Variants in NISCH observed in about 807,000 individuals in gnomAD.
NISCH encodes the protein I-1 receptor candidate protein.
In NISCH, 55 loss-of-function variants were observed where a neutral mutation model predicts 138.4. The ratio of observed to expected loss-of-function variants is 0.40; its 90% CI spans 0.32 to 0.50. The LOEUF (loss-of-function observed/expected upper bound fraction) is 0.50, where lower values mean the gene tolerates loss of function less well. Among genes scored for constraint, NISCH ranks in the 20% least tolerant of loss-of-function variants. The probability of loss-of-function intolerance (pLI) is 0.71; values close to 1 mark genes in which losing one functional copy is unlikely to be tolerated. For synonymous variants in NISCH, 860 were observed against 861.5 expected, an observed-to-expected ratio of 1.00 and a Z score of 0.03; for missense variants, 1,643 against 2,005.5, an observed-to-expected ratio of 0.82 and a Z score of 3.45.
Position 52,488,019 on chromosome 3 carries a change from A to G in NISCH, c.2527A>G (p.Lys843Glu). The G allele has an allele frequency of 1.2e-6, 2 of 1,612,202 alleles. No homozygotes were observed. The highest frequency in any genetic ancestry group is 1.7e-6 in the Non-Finnish European group (2 of 1,179,764). ...EFLRQLLTFYKVAGGCQERSQ... is the reference protein window; with the variant it reads ...EFLRQLLTFYEVAGGCQERSQ... ...CCTGCGCCAGCTGCTCACCTTCTACAAGGTGGCTGGCGGCTGCCAGGAGCG... is the reference window on the plus strand; with the variant it reads ...CCTGCGCCAGCTGCTCACCTTCTACGAGGTGGCTGGCGGCTGCCAGGAGCG... Residue 843 changes from lysine to glutamate, a missense_variant, in exon 16 of 21, where the codon AAG becomes GAG. Transcript: ENST00000345716.
At chr3:52,484,462 T>TTGGGGGGC in intron 13 of NISCH, 51 bp from the exon 14 acceptor site, 17 of 788,670 alleles carry the variant, frequency 2.2e-5, no homozygotes, top group Middle Eastern at 4.5e-4. Context: ...ACAGCCGCTC[T>TTGGGGGGC]CCCCGCCCCA....
intron 19 of NISCH, 91 bp from the exon 20 acceptor site, chr3:52,491,261 A>G: frequency 6.6e-7 from 1 of 1,503,902 alleles, no homozygotes; most frequent in Non-Finnish European, 8.9e-7. Flanking sequence ...CTCTGGGCTG[A>G]GGCTTGCTAG....
chr3:52,460,036 C>T (rs1706586923), intron 3 of NISCH, among the ~76,000 whole-genome samples: 1 of 151,298 alleles, frequency 6.6e-6, no homozygotes, highest in African/African-American at 2.4e-5. Flanking sequence ...CAAAAATTAG[C>T]TGGGTATGGT....
At chr3:52,484,462 T>TTGGGGCCC in intron 13 of NISCH, 51 bp from the exon 14 acceptor site, 53 of 788,664 alleles carry the variant, frequency 6.7e-5, no homozygotes, top group Non-Finnish European at 8.4e-5. Flanking sequence ...ACAGCCGCTC[T>TTGGGGCCC]CCCCGCCCCA....
At chr3:52,484,771 G>A (rs1027037970) in intron 14 of NISCH, 134 bp downstream of exon 14, 4 of 864,234 alleles carry the variant, frequency 4.6e-6, no homozygotes, top group East Asian at 2.5e-5. Context: ...TCTGCTTTGT[G>A]CCACGGTCTT....
At chr3:52,477,846 C>T in intron 9 of NISCH, 1 of 624,102 alleles carries the variant, frequency 1.6e-6, no homozygotes, top group Non-Finnish European at 2.8e-6. Flanking sequence ...ACAAACCAGG[C>T]ATGATGATGC....
At chr3:52,484,462 T>TAGG in intron 13 of NISCH, 51 bp from the exon 14 acceptor site, 17 of 788,664 alleles carry the variant, frequency 2.2e-5, no homozygotes, top group East Asian at 3.5e-5. Context: ...ACAGCCGCTC[T>TAGG]CCCCGCCCCA....
At chr3:52,479,326 C>T (rs550392688) in intron 11 of NISCH, among the ~76,000 whole-genome samples, 7 of 152,232 alleles carry the variant, frequency 4.6e-5, no homozygotes, top group South Asian at 4.1e-4. Context: ...CCTCTCCTGC[C>T]GCTGGTTCCC....
In NISCH at chr3:52,491,492, G is replaced by C. The variant is rs766615000; in HGVS notation, c.3883G>C (p.Glu1295Gln). The change falls in exon 20 of 21, where the codon GAG becomes CAG. Residue 1295 changes from glutamate (E) to glutamine (Q), a missense_variant. Transcript: ENST00000345716. ...PEPVDKDFYSEFGNKTTGKME... is the reference protein window; with the variant it reads ...PEPVDKDFYSQFGNKTTGKME... ...GCCTGTTGACAAGGACTTCTACTCC[G>C]AGTTTGGGAACAAGACCACAGGTAC... 1 of 1,612,636 alleles carries C rather than the reference G, an allele frequency of 6.2e-7. No individual in the cohort carries two copies. Among genetic ancestry groups the C allele is most frequent in the East Asian group, 2.2e-5 (1 of 44,880 alleles).
chr3:52,485,745 G>T, intron 14 of NISCH, 33 bp from the exon 15 acceptor site: 1 of 1,562,924 alleles, frequency 6.4e-7, no homozygotes, highest in Non-Finnish European at 8.7e-7. Flanking sequence ...GGCTGCAGTA[G>T]GTGGGGACTG....
chr3:52,474,290 TTTGTTG>T (rs778590888), intron 7 of NISCH, among the ~76,000 whole-genome samples: 3 of 151,726 alleles, frequency 2.0e-5, no homozygotes, highest in Non-Finnish European at 2.9e-5. Context: ...AGTTTTGTTT[TTTGTTG>T]TTGTTGTTGT....
intron 3 of NISCH, among the ~76,000 whole-genome samples, chr3:52,464,270 T>C (rs1403444822): frequency 1.3e-5 from 2 of 151,620 alleles, no homozygotes; most frequent in Non-Finnish European, 2.9e-5. Flanking sequence ...TGGTGGTGTG[T>C]GCCTGTAATC....
chr3:52,481,010 G>A (rs2153231468), intron 13 of NISCH: 1 of 1,400,270 alleles, frequency 7.1e-7, no homozygotes, highest in Non-Finnish European at 9.3e-7. Context: ...GACGCCGCCT[G>A]CCCGGGCTCC....
chr3:52,479,883 G>A (rs752586018), intron 12 of NISCH, 21 bp downstream of exon 12: 2 of 1,575,702 alleles, frequency 1.3e-6, no homozygotes, highest in Non-Finnish European at 1.7e-6. Context: ...GTGGCAGGTG[G>A]GAGGGCAGTG....
At chr3:52,469,931 A>T (rs962279185) in intron 3 of NISCH, among the ~76,000 whole-genome samples, 2 of 151,788 alleles carry the variant, frequency 1.3e-5, no homozygotes, top group Non-Finnish European at 2.9e-5. Flanking sequence ...GAAAAAAAAA[A>T]AAAAAAGCAG....
In NISCH at chr3:52,488,274, C is replaced by T. The variant is rs1162327522; in HGVS notation, c.2782C>T (p.Pro928Ser). The change falls in exon 16 of 21, where the codon CCC (proline) becomes TCC (serine). Residue 928 changes from proline (P) to serine (S), a missense_variant. Transcript: ENST00000345716. ...NVIKADFNPMPNRGTHNCRNR... is the reference protein window; with the variant it reads ...NVIKADFNPMSNRGTHNCRNR... ...CATCAAGGCCGACTTCAACCCCATG[C>T]CCAACCGTGGCACCCACAACTGTCG... 6.2e-7 allele frequency: 1 copy of T among 1,610,412 alleles called. No individual in the cohort carries two copies. Among genetic ancestry groups the T allele is most frequent in the Non-Finnish European group, 8.5e-7 (1 of 1,179,980 alleles).
At position 52,488,193 on chromosome 3, in the gene NISCH, G is replaced by A. The variant is rs1221305966; in HGVS notation, c.2701G>A (p.Val901Ile). ...CTCCTGCTGCGCGCCCTCTGAGGCC[G>A]TCAAGTCCGCCGCCATCCCCTACTG... ...RRSCCAPSEA[V>I]KSAAIPYWLL... The change falls in exon 16 of 21, where the codon GTC (valine) becomes ATC (isoleucine). Residue 901 changes from valine (V) to isoleucine (I), a missense_variant. Val to Ile is a conservative substitution (Grantham distance 29). Transcript: ENST00000345716. 7.4e-6 allele frequency: 12 copies of A among 1,612,960 alleles called. No homozygotes were observed. The highest frequency in any genetic ancestry group is 1.3e-5 in the African/African-American group (1 of 74,912).
At chr3:52,477,448 G>T (rs1707129293) in intron 8 of NISCH, 126 bp from the exon 9 acceptor site, 5 of 737,128 alleles carry the variant, frequency 6.8e-6, no homozygotes. Context: ...CAGTGGTCCT[G>T]CAGGGACGGC....
At chr3:52,480,564 G>T (rs1707243888) in intron 13 of NISCH, 8 of 1,450,890 alleles carry the variant, frequency 5.5e-6, no homozygotes. Context: ...TGTCTGACAG[G>T]CCCTGAGGCT....
Sources: allele counts gnomAD v4.1 joint callset (sites outside exome capture counted in the v4.1 genomes callset), GRCh38; gene constraint gnomAD v4.1.1; transcripts MANE v1.5; gene names NCBI Gene and HGNC (gene_info 2026-07-23, HGNC 2026-07-21).